IMMP2L: variants seen among roughly 807,000 people sequenced by gnomAD.
IMMP2L encodes inner mitochondrial membrane peptidase subunit 2.
In IMMP2L, 18 loss-of-function variants were observed where a neutral mutation model predicts 19.3. The observed-to-expected ratio is 0.93, with a 90% CI of 0.64 to 1.38. IMMP2L has a LOEUF of 1.38. Ranked by LOEUF, IMMP2L falls within the 40% of genes most tolerant of loss-of-function variation. The pLI, the probability that IMMP2L is intolerant of heterozygous loss-of-function variation, is 0.00. For missense variants in IMMP2L, 233 were observed against 218.2 expected (o/e 1.07, Z -0.43); for synonymous variants, 76 against 73.0 (o/e 1.04, Z -0.21).
intron 3 of IMMP2L, among the ~76,000 whole-genome samples, chr7:111,035,115 GC>G (rs1014287794): frequency 2.0e-5 from 3 of 152,008 alleles, no homozygotes; most frequent in African/African-American, 7.2e-5. Context: ...ATCAAATAAA[GC>G]CCTGCTTCAA....
chr7:111,287,765 G>C (rs1384221194), intron 3 of IMMP2L, among the ~76,000 whole-genome samples: 1 of 152,076 alleles, frequency 6.6e-6, no homozygotes, highest in Admixed American at 6.6e-5. Context: ...AACTAGAAAT[G>C]TAAAGCCAAA....
chr7:110,854,911 G>T (rs1259875978), intron 5 of IMMP2L, among the ~76,000 whole-genome samples: 1 of 151,928 alleles, frequency 6.6e-6, no homozygotes, highest in Non-Finnish European at 1.5e-5. Context: ...AATATTTGCT[G>T]TTGAATAAAG....
At chr7:111,464,632 G>A (rs984210065) in intron 3 of IMMP2L, among the ~76,000 whole-genome samples, 18 of 152,074 alleles carry the variant, frequency 1.2e-4, no homozygotes, top group African/African-American at 4.3e-4. Context: ...TGTTCTATGA[G>A]CATTAGCTGC....
intron 3 of IMMP2L, among the ~76,000 whole-genome samples, chr7:111,058,484 T>C (rs1306955622): frequency 6.6e-6 from 1 of 152,186 alleles, no homozygotes; most frequent in East Asian, 1.9e-4. Context: ...TCTCATTAAA[T>C]AGGAACTCAG....
intron 5 of IMMP2L, among the ~76,000 whole-genome samples, chr7:110,808,027 T>A (rs1196978326): frequency 6.6e-6 from 1 of 152,072 alleles, no homozygotes; most frequent in Non-Finnish European, 1.5e-5. Flanking sequence ...TTTAAAATTT[T>A]ACCTTAAAAA....
chr7:110,680,946 C>T (rs936882119), intron 5 of IMMP2L, among the ~76,000 whole-genome samples: 4 of 152,002 alleles, frequency 2.6e-5, no homozygotes, highest in South Asian at 2.1e-4. Context: ...TAGGGGTGTG[C>T]TGTGTTCCTA....
At chr7:111,318,336 G>C (rs138633148) in intron 3 of IMMP2L, among the ~76,000 whole-genome samples, 258 of 152,238 alleles carry the variant, frequency 1.7e-3, no homozygotes, top group African/African-American at 5.1e-3. Context: ...GAACAGAAAA[G>C]GGGTTGAGCA....
At chr7:111,142,936 AT>A (rs987243337) in intron 3 of IMMP2L, among the ~76,000 whole-genome samples, 5 of 152,176 alleles carry the variant, frequency 3.3e-5, no homozygotes, top group African/African-American at 1.2e-4. Context: ...AAGCTTGTGA[AT>A]AGAACCCATC....
At chr7:110,999,630 T>C (rs1411359959) in intron 3 of IMMP2L, among the ~76,000 whole-genome samples, 1 of 150,850 alleles carries the variant, frequency 6.6e-6, no homozygotes, top group Non-Finnish European at 1.5e-5. Context: ...AAAACCAAGA[T>C]ACGTATGTTC....
At chr7:110,902,395 TAA>T (rs67908692) in intron 4 of IMMP2L, among the ~76,000 whole-genome samples, 18 of 147,716 alleles carry the variant, frequency 1.2e-4, no homozygotes, top group African/African-American at 4.0e-4. Flanking sequence ...CATACTCCTT[TAA>T]AAAAAAAAGA....
chr7:111,273,851 G>T (rs1818738557), intron 3 of IMMP2L, among the ~76,000 whole-genome samples: 1 of 151,938 alleles, frequency 6.6e-6, no homozygotes, highest in South Asian at 2.1e-4. Context: ...AATAAAAGTA[G>T]GTTTGATCTT....
chr7:111,195,669 T>A (rs1809391205), intron 3 of IMMP2L, among the ~76,000 whole-genome samples: 1 of 152,232 alleles, frequency 6.6e-6, no homozygotes. Context: ...TTTATTTCCA[T>A]TGACTACCCT....
At chr7:111,555,317 G>A (rs1791150001) in intron 1 of IMMP2L, among the ~76,000 whole-genome samples, 1 of 152,118 alleles carries the variant, frequency 6.6e-6, no homozygotes, top group African/African-American at 2.4e-5. Context: ...CGTAGTGAGA[G>A]CAAGACAGCA....
At chr7:111,267,590 C>A (rs181524838) in intron 3 of IMMP2L, among the ~76,000 whole-genome samples, 91 of 152,256 alleles carry the variant, frequency 6.0e-4, no homozygotes, top group African/African-American at 2.0e-3. Flanking sequence ...TCTCCCAATT[C>A]TCTCACCGAT....
At chr7:110,962,658 CCTGGGATCCT>C in intron 4 of IMMP2L, 1 of 925,752 alleles carries the variant, frequency 1.1e-6, no homozygotes, top group Non-Finnish European at 1.3e-6. Context: ...GTGGGGATCC[CCTGGGATCCT>C]CTGGCCATGC....
rs540060625 is a variant in IMMP2L at position 111,461,942 on chromosome 7, T to C, written c.239+25296A>G. On this transcript the variant is annotated intron_variant, in intron 3 of 5. Coordinates refer to ENST00000405709, the MANE Select transcript of IMMP2L (RefSeq NM_032549.4). ...GAGTTTTTAAAAGTAGGCTATAAGA[T>C]TGTTTGTATGAACAATTCCATTTTA... Among the ~76,000 whole-genome samples, 19 of 152,098 alleles carry C rather than the reference T, an allele frequency of 1.2e-4. No homozygotes were observed. In the South Asian group the frequency reaches 3.7e-3, roughly 30 times the overall value.
At chr7:111,475,900 T>G (rs1466107773) in intron 3 of IMMP2L, among the ~76,000 whole-genome samples, 1 of 152,152 alleles carries the variant, frequency 6.6e-6, no homozygotes, top group Admixed American at 6.5e-5. Context: ...GTCTCCTATC[T>G]GTTCCAGAAT....
intron 3 of IMMP2L, among the ~76,000 whole-genome samples, chr7:111,042,624 T>C (rs577570879): frequency 2.6e-5 from 4 of 152,220 alleles, no homozygotes; most frequent in South Asian, 2.1e-4. Context: ...AGCAGGGATA[T>C]AGAGCAGGCC....
chr7:111,544,672 T>A (rs1316352199), intron 1 of IMMP2L, among the ~76,000 whole-genome samples: 1 of 152,104 alleles, frequency 6.6e-6, no homozygotes, highest in Non-Finnish European at 1.5e-5. Context: ...GTGGCCTTTG[T>A]AGCAGAGGAC....
Sources: gnomAD v4.1 joint callset for allele counts (sites outside exome capture counted in the v4.1 genomes callset) on GRCh38, gnomAD v4.1.1 for gene constraint, MANE v1.5 for transcripts, NCBI Gene and HGNC (gene_info 2026-07-23, HGNC 2026-07-21) for gene names.